The following CRPPA variants were observed in gnomAD, a reference collection of about 807,000 sequenced individuals.
CRPPA encodes the protein D-ribitol-5-phosphate cytidylyltransferase.
Under a neutral mutation model 52.0 loss-of-function variants are expected in CRPPA, and 43 were observed. The ratio of observed to expected loss-of-function variants is 0.83; its 90% CI spans 0.65 to 1.07. CRPPA has a LOEUF of 1.07. CRPPA is among the 50% of genes least tolerant of loss of function. CRPPA has a pLI of 0.00. For synonymous variants in CRPPA, 250 were observed against 203.5 expected, an observed-to-expected ratio of 1.23 and a Z score of -1.94; for missense variants, 629 against 551.7, an observed-to-expected ratio of 1.14 and a Z score of -1.40.
At chr7:16,351,236 T>A (rs1786142787) in intron 3 of CRPPA, among the ~76,000 whole-genome samples, 3 of 152,182 alleles carry the variant, frequency 2.0e-5, no homozygotes, top group Admixed American at 2.0e-4. Flanking sequence ...AAGCCCTTCT[T>A]TAAACCTTAC....
chr7:16,407,521 C>T (rs1365976445), intron 1 of CRPPA, among the ~76,000 whole-genome samples: 2 of 152,306 alleles, frequency 1.3e-5, no homozygotes, highest in African/African-American at 2.4e-5. Context: ...AGATCCTATA[C>T]TTTCATGCTA....
chr7:16,224,865 TC>T (rs1782608903), intron 8 of CRPPA, among the ~76,000 whole-genome samples: 1 of 152,182 alleles, frequency 6.6e-6, no homozygotes, highest in South Asian at 2.1e-4. Flanking sequence ...AAAATAAGCT[TC>T]TAATAGTGAA....
At chr7:16,372,367 A>G (rs1385936053) in intron 3 of CRPPA, among the ~76,000 whole-genome samples, 1 of 152,236 alleles carries the variant, frequency 6.6e-6, no homozygotes, top group African/African-American at 2.4e-5. Context: ...GAAACCTTAC[A>G]TGCCAGAGGG....
intron 4 of CRPPA, 47 bp from the exon 5 acceptor site, chr7:16,301,513 T>A (rs1408918202): frequency 8.4e-6 from 12 of 1,422,828 alleles, no homozygotes; most frequent in Non-Finnish European, 1.1e-5. Context: ...CAGGAAGGAA[T>A]GTGCAAGCAA....
intron 9 of CRPPA, among the ~76,000 whole-genome samples, chr7:16,154,582 A>G (rs17169290): frequency 0.038 from 5,779 of 152,284 alleles, 343 homozygotes; most frequent in East Asian, 0.3. Context: ...TGTGTGCCCA[A>G]GTATTAGTTA....
intron 9 of CRPPA, among the ~76,000 whole-genome samples, chr7:16,093,288 TTTTAG>T (rs1315549216): frequency 2.0e-5 from 3 of 152,190 alleles, no homozygotes; most frequent in Non-Finnish European, 4.4e-5. Context: ...CATATCACCC[TTTTAG>T]TTGAGCTCAG....
chr7:16,369,712 G>C (rs1346006893), intron 3 of CRPPA, among the ~76,000 whole-genome samples: 4 of 152,120 alleles, frequency 2.6e-5, no homozygotes, highest in Non-Finnish European at 5.9e-5. Flanking sequence ...GGCAGTATTA[G>C]CGTGACTAGC....
chr7:16,412,763 C>T (rs1033220785), intron 1 of CRPPA, among the ~76,000 whole-genome samples: 1 of 152,204 alleles, frequency 6.6e-6, no homozygotes, highest in African/African-American at 2.4e-5. Context: ...CCCTCAGCAG[C>T]CTAATTCTGT....
At chr7:16,296,730 C>A (rs188224464) in intron 5 of CRPPA, among the ~76,000 whole-genome samples, 294 of 152,190 alleles carry the variant, frequency 1.9e-3, no homozygotes, top group African/African-American at 6.9e-3. Context: ...AACAGTACCC[C>A]AAATCATTTT....
At chr7:16,242,232 G>C (rs1783136585) in intron 8 of CRPPA, among the ~76,000 whole-genome samples, 1 of 151,910 alleles carries the variant, frequency 6.6e-6, no homozygotes, top group African/African-American at 2.4e-5. Context: ...GGGATTACAG[G>C]CTTGAGACAC....
intron 9 of CRPPA, among the ~76,000 whole-genome samples, chr7:16,108,019 A>T (rs1379901204): frequency 2.0e-5 from 3 of 152,188 alleles, no homozygotes; most frequent in Admixed American, 6.5e-5. Flanking sequence ...AACAAAAATA[A>T]AAGGATTCAA....
At chr7:16,397,894 CA>C (rs1320750264) in intron 2 of CRPPA, among the ~76,000 whole-genome samples, 1 of 152,028 alleles carries the variant, frequency 6.6e-6, no homozygotes, top group East Asian at 1.9e-4. Context: ...AACGTGTGAC[CA>C]AAGCATGTTT....
intron 2 of CRPPA, among the ~76,000 whole-genome samples, chr7:16,399,143 A>C (rs562819532): frequency 6.6e-6 from 1 of 152,186 alleles, no homozygotes; most frequent in African/African-American, 2.4e-5. Context: ...CCAATGTGTG[A>C]CCAAAGCATG....
At chr7:16,299,359 G>A (rs1583501200) in intron 5 of CRPPA, among the ~76,000 whole-genome samples, 1 of 152,154 alleles carries the variant, frequency 6.6e-6, no homozygotes, top group Non-Finnish European at 1.5e-5. Flanking sequence ...ATGCAATAAA[G>A]ATATTATTTA....
At chr7:16,234,225 C>T (rs1782879638) in intron 8 of CRPPA, among the ~76,000 whole-genome samples, 1 of 151,980 alleles carries the variant, frequency 6.6e-6, no homozygotes, top group South Asian at 2.1e-4. Flanking sequence ...ATGCTATCTC[C>T]AACAAAAAGT....
intron 9 of CRPPA, among the ~76,000 whole-genome samples, chr7:16,099,744 G>T (rs1782005885): frequency 6.6e-6 from 1 of 152,188 alleles, no homozygotes; most frequent in Non-Finnish European, 1.5e-5. Context: ...TCTGGGACTT[G>T]TGACACTGTT....
chr7:16,108,374 G>T (rs1359655424), intron 9 of CRPPA, among the ~76,000 whole-genome samples: 2 of 151,582 alleles, frequency 1.3e-5, no homozygotes, highest in South Asian at 2.1e-4. Flanking sequence ...AAGAGACAAA[G>T]GATATTATAA....
intron 9 of CRPPA, among the ~76,000 whole-genome samples, chr7:16,096,222 CAA>C (rs1196377869): frequency 1.3e-5 from 2 of 151,580 alleles, no homozygotes; most frequent in African/African-American, 2.4e-5. Context: ...GTTTTGCACT[CAA>C]AGTGTGGTAT....
intron 5 of CRPPA, among the ~76,000 whole-genome samples, chr7:16,300,951 A>C (rs184382977): frequency 6.6e-6 from 1 of 152,334 alleles, no homozygotes; most frequent in East Asian, 1.9e-4. Flanking sequence ...ACAAAATTGC[A>C]GTCATTGTCA....
Sources: allele counts gnomAD v4.1 joint callset (sites outside exome capture counted in the v4.1 genomes callset), GRCh38; gene constraint gnomAD v4.1.1; transcripts MANE v1.5; gene names NCBI Gene and HGNC (gene_info 2026-07-23, HGNC 2026-07-21).